PDE4D: variants seen among roughly 807,000 people sequenced by gnomAD.
PDE4D encodes phosphodiesterase 4D, also known as 3',5'-cyclic-AMP phosphodiesterase 4D.
PDE4D carries 24 observed loss-of-function variants against 87.4 expected under a neutral mutation model. The observed-to-expected ratio is 0.27, with a 90% CI of 0.20 to 0.39. PDE4D has a LOEUF of 0.39. PDE4D is among the 10% of genes least tolerant of loss of function. The pLI is 1.00. For missense variants in PDE4D, 714 were observed against 1,041.0 expected (o/e 0.69, Z 4.32); for synonymous variants, 384 against 383.2 (o/e 1.00, Z -0.02).
At chr5:59,488,257 C>T (rs1383510313) in intron 1 of PDE4D, among the ~76,000 whole-genome samples, 4 of 151,946 alleles carry the variant, frequency 2.6e-5, no homozygotes, top group Admixed American at 2.0e-4. Context: ...GGCCTGTAGG[C>T]CACTCAGGCT....
At chr5:59,598,041 C>T (rs184584050) in intron 1 of PDE4D, among the ~76,000 whole-genome samples, 153 of 152,198 alleles carry the variant, frequency 1.0e-3, no homozygotes, top group African/African-American at 3.5e-3. Context: ...GAACAATACA[C>T]GTCCCAAACT....
At chr5:60,473,348 T>C (rs1045662131) in intron 1 of PDE4D, among the ~76,000 whole-genome samples, 1 of 151,946 alleles carries the variant, frequency 6.6e-6, no homozygotes, top group Non-Finnish European at 1.5e-5. Context: ...CTGGTGAAAT[T>C]TGAATAAAGT....
chr5:59,318,701 A>G (rs566586362), intron 1 of PDE4D, among the ~76,000 whole-genome samples: 47 of 152,288 alleles, frequency 3.1e-4, no homozygotes, highest in Admixed American at 5.2e-4. Flanking sequence ...TAATTGTGTT[A>G]CGGTGGTAGA....
intron 11 of PDE4D, among the ~76,000 whole-genome samples, chr5:58,987,873 A>AT (rs2153334031): frequency 6.6e-6 from 1 of 152,104 alleles, no homozygotes; most frequent in African/African-American, 2.4e-5. Flanking sequence ...TTACCTAAAC[A>AT]TTCCCTACAC....
chr5:60,115,902 G>C (rs557336333), intron 2 of PDE4D, among the ~76,000 whole-genome samples: 3 of 152,200 alleles, frequency 2.0e-5, no homozygotes, highest in African/African-American at 4.8e-5. Flanking sequence ...ATTCACATAA[G>C]ATTTTACGTG....
intron 1 of PDE4D, among the ~76,000 whole-genome samples, chr5:59,604,748 TAA>T (rs1483251951): frequency 6.6e-6 from 1 of 151,950 alleles, no homozygotes; most frequent in Non-Finnish European, 1.5e-5. Flanking sequence ...AGATTTTTTT[TAA>T]AAGACTAAAA....
intron 6 of PDE4D, among the ~76,000 whole-genome samples, chr5:58,995,444 G>A (rs1452504626): frequency 1.3e-5 from 2 of 152,114 alleles, no homozygotes; most frequent in Non-Finnish European, 2.9e-5. Context: ...GGCCTTCTAA[G>A]AATATTTGTA....
At chr5:59,314,777 C>T (rs948704006) in intron 1 of PDE4D, 2 of 152,282 alleles carry the variant, frequency 1.3e-5, no homozygotes, top group East Asian at 1.9e-4. Flanking sequence ...CTCCCCTGCT[C>T]GAACCAGCTG....
At chr5:59,567,019 A>T (rs1449534925) in intron 1 of PDE4D, among the ~76,000 whole-genome samples, 2 of 152,186 alleles carry the variant, frequency 1.3e-5, no homozygotes, top group African/African-American at 4.8e-5. Flanking sequence ...TTTTTACATT[A>T]CATGTTTTCT....
chr5:59,220,377 C>CAAAAAAAAAAAAAAA (rs57610513), intron 1 of PDE4D, among the ~76,000 whole-genome samples: 50 of 36,100 alleles, frequency 1.4e-3, no homozygotes, highest in Non-Finnish European at 2.2e-3. Context: ...GACTCTGTCT[C>CAAAAAAAAAAAAAAA]AAAAAAAAAA....
rs183191033 is a variant in PDE4D at position 59,227,779 on chromosome 5, G to A, written c.456-11811C>T. Among the ~76,000 whole-genome samples the A allele has an allele frequency of 5.0e-3, 764 of 152,224 alleles. 6 individuals are homozygous for A. Among genetic ancestry groups the A allele is most frequent in the South Asian group, 0.023 (111 of 4,826 alleles). ...GGCAAGGTTGCAGAGAAAAGGAAAC[G>A]CTTATATACTACTGGTTAGAATGTA... On this transcript the variant is annotated intron_variant, in intron 1 of 14. Transcript: ENST00000340635.
chr5:59,802,275 C>A (rs567769658), intron 1 of PDE4D, among the ~76,000 whole-genome samples: 1 of 151,524 alleles, frequency 6.6e-6, no homozygotes, highest in South Asian at 2.1e-4. Flanking sequence ...GATGCCAACA[C>A]GCAGCCATAT....
At chr5:60,464,201 A>G (rs1747174347) in intron 1 of PDE4D, among the ~76,000 whole-genome samples, 1 of 152,202 alleles carries the variant, frequency 6.6e-6, no homozygotes, top group African/African-American at 2.4e-5. Flanking sequence ...AGGGAAAGAA[A>G]CACTGCCAGC....
rs1378960008 is a variant in PDE4D at position 60,366,785 on chromosome 5, G to A, written c.-90+121157C>T. On this transcript the variant is annotated intron_variant, in intron 1 of 16. Transcript: ENST00000502484. ...AATAGTTGCAGCCGTACAGCCCTGG[G>A]AGAATTTAAACTTCATGCAAATGAA... 2.5e-4 allele frequency among the ~76,000 whole-genome samples: 38 copies of A among 152,188 alleles called. 1 individual carries two copies. The highest frequency in any genetic ancestry group is 2.9e-5 in the Non-Finnish European group (2 of 68,034).
At chr5:59,901,742 G>A (rs879735662) in intron 3 of PDE4D, among the ~76,000 whole-genome samples, 1 of 151,992 alleles carries the variant, frequency 6.6e-6, no homozygotes, top group Admixed American at 6.6e-5. Flanking sequence ...ATGTCCACTA[G>A]GTCAGCAAAA....
chr5:60,364,984 A>G (rs1045222096), intron 1 of PDE4D, among the ~76,000 whole-genome samples: 4 of 152,188 alleles, frequency 2.6e-5, no homozygotes, highest in Non-Finnish European at 5.9e-5. Context: ...AATTTTTTTT[A>G]AATAACCCAC....
chr5:59,692,652 T>A (rs1284683193), intron 1 of PDE4D, among the ~76,000 whole-genome samples: 1 of 152,156 alleles, frequency 6.6e-6, no homozygotes, highest in African/African-American at 2.4e-5. Flanking sequence ...AACTAGATTC[T>A]ATGTTGGCTG....
chr5:59,210,720 T>C (rs555550764), intron 2 of PDE4D, among the ~76,000 whole-genome samples: 1 of 152,232 alleles, frequency 6.6e-6, no homozygotes, highest in Non-Finnish European at 1.5e-5. Context: ...GCAATGTATA[T>C]GAATGTGAGT....
intron 1 of PDE4D, among the ~76,000 whole-genome samples, chr5:60,371,148 T>C (rs1048550864): frequency 1.3e-5 from 2 of 152,238 alleles, no homozygotes; most frequent in African/African-American, 4.8e-5. Flanking sequence ...AAGTGAGCTA[T>C]CAGGATCTAC....
Sources: gnomAD v4.1 joint callset for allele counts (sites outside exome capture counted in the v4.1 genomes callset) on GRCh38, gnomAD v4.1.1 for gene constraint, MANE v1.5 for transcripts, NCBI Gene and HGNC (gene_info 2026-07-23, HGNC 2026-07-21) for gene names.